Variants in GUCY2D observed in about 807,000 individuals in gnomAD.
GUCY2D encodes guanylate cyclase 2D, retinal.
A neutral mutation model predicts 101.3 loss-of-function variants in GUCY2D; 70 were observed. The observed-to-expected ratio is 0.69, with a 90% CI of 0.57 to 0.84. GUCY2D has a LOEUF of 0.84. Ranked by LOEUF, GUCY2D falls within the 40% of genes least tolerant of loss-of-function variation. The probability of loss-of-function intolerance (pLI) is 0.00; values close to 1 mark genes in which losing one functional copy is unlikely to be tolerated. For missense variants in GUCY2D, 1,460 were observed against 1,542.5 expected (o/e 0.95, Z 0.90); for synonymous variants, 688 against 670.7 (o/e 1.03, Z -0.40).
At chr17:8,009,688 C>A in intron 8 of GUCY2D, 102 bp downstream of exon 8, 1 of 811,296 alleles carries the variant, frequency 1.2e-6, no homozygotes, top group Non-Finnish European at 2.2e-6. Flanking sequence ...TTAAGTGTCC[C>A]CTCTGGCTGA....
In GUCY2D at chr17:8,011,327, C is replaced by T. The variant is rs930608660; in HGVS notation, c.1750-817C>T. The stretch of plus-strand genomic sequence containing the variant: ...TCAGGATGCGGAGGTTGCAGTGACC[C>T]GAGATTGCACGACTGCAATCCAGCC... On this transcript the variant is annotated intron_variant, in intron 8 of 19. Coordinates refer to ENST00000254854, the MANE Select transcript of GUCY2D (RefSeq NM_000180.4). The surrounding 1 kb of genome is among the most constrained non-coding windows in gnomAD (Gnocchi z 4.3). Among the ~76,000 whole-genome samples, 34 of 151,772 alleles carry T rather than the reference C, an allele frequency of 2.2e-4. No homozygotes were observed. Among genetic ancestry groups the T allele is most frequent in the African/African-American group, 5.8e-4 (24 of 41,270 alleles).
intron 8 of GUCY2D, 145 bp downstream of exon 8, chr17:8,009,731 T>A: frequency 1.4e-6 from 1 of 699,490 alleles, no homozygotes; most frequent in East Asian, 2.7e-5. Context: ...TCCTGGCACT[T>A]TGAGAGGCAG....
chr17:8,004,306 T>C, intron 3 of GUCY2D, 150 bp downstream of exon 3: 1 of 721,818 alleles, frequency 1.4e-6, no homozygotes, highest in East Asian at 2.7e-5. Context: ...CTGGCCCCAC[T>C]TGGGGTCTCT....
intron 7 of GUCY2D, 121 bp downstream of exon 7, chr17:8,008,153 A>T: frequency 2.8e-6 from 2 of 720,380 alleles, no homozygotes; most frequent in East Asian, 5.4e-5. Flanking sequence ...GCTCCAGGAG[A>T]TGGGGGATGG....
Position 8,011,477 on chromosome 17 carries a change from C to T in GUCY2D, c.1750-667C>T, listed in dbSNP as rs1269981232. ...TTAAATCAGGAGAGGATGGTGGTTC[C>T]AGGAGCTTCTCCTTCATGAGCTGCT... On this transcript the variant is annotated intron_variant, in intron 8 of 19. Transcript: ENST00000254854. The surrounding 1 kb of genome is among the most constrained non-coding windows in gnomAD (Gnocchi z 4.3). Among the ~76,000 whole-genome samples, 1 of 152,172 alleles carries T rather than the reference C, an allele frequency of 6.6e-6. No homozygotes were observed. The highest frequency in any genetic ancestry group is 6.5e-5 in the Admixed American group (1 of 15,272).
rs1975855804 is a variant in GUCY2D, at chr17:8,011,807, C to T, written c.1750-337C>T. Among the ~76,000 whole-genome samples the T allele has an allele frequency of 6.6e-6, 1 of 152,124 alleles. No individual in the cohort carries two copies. The highest frequency in any genetic ancestry group is 1.5e-5 in the Non-Finnish European group (1 of 68,028). On this transcript the variant is annotated intron_variant, in intron 8 of 19. Transcript: ENST00000254854. This position sits in a 1 kb window ranked among gnomAD's most constrained non-coding sequence, Gnocchi z 4.3. ...TCATGCCGCTGCACTCCAGTCTGGG[C>T]AACAGAGTGAGACCTCGTGTCTAAA...
rs1975674756 is a variant in GUCY2D at position 8,003,521 on chromosome 17, G to A, written c.474G>A (p.Glu158=). Residue 158 remains glutamate, a synonymous_variant, in exon 2 of 20, where the codon GAG becomes GAA. Transcript: ENST00000254854. ...GGGGCTGCCCCTGGACGCAGGCGGA[G>A]GGCACCACGGCCCCTGCCGTGACCC... ...VPWGCPWTQA[E]GTTAPAVTPA... is the part of the protein sequence containing the mutation. 6.5e-7 allele frequency: 1 copy of A among 1,538,732 alleles called. No homozygotes were observed. Among genetic ancestry groups the A allele is most frequent in the Non-Finnish European group, 8.7e-7 (1 of 1,149,452 alleles).
rs550107422 is a variant in GUCY2D at position 8,006,589 on chromosome 17, A to G, written c.1253A>G (p.Tyr418Cys). 3.1e-6 allele frequency: 5 copies of G among 1,613,660 alleles called. No individual in the cohort carries two copies. The Admixed American group carries it at 5.0e-5, about 16-fold the overall frequency. ...GCGGGAGACCGGCTTTTTGCCACAT[A>G]CATGCTGGATCCTGCCCGGGGCTCC... The part of the protein sequence containing the change: ...DAAGDRLFAT[Y>C]MLDPARGSFL... Residue 418 changes from tyrosine to cysteine, a missense_variant, in exon 4 of 20, where the codon TAC becomes TGC. Coordinates refer to ENST00000254854, the MANE Select transcript of GUCY2D (RefSeq NM_000180.4).
intron 19 of GUCY2D, among the ~76,000 whole-genome samples, chr17:8,017,173 G>A (rs1975994489): frequency 6.6e-6 from 1 of 152,212 alleles, no homozygotes; most frequent in South Asian, 2.1e-4. Context: ...ATGTGACCTT[G>A]GGAAAGTGTC....
intron 5 of GUCY2D, 73 bp from the exon 6 acceptor site, chr17:8,007,353 C>T: frequency 9.3e-7 from 1 of 1,079,304 alleles, no homozygotes; most frequent in Non-Finnish European, 1.4e-6. Flanking sequence ...CGTTATCCCT[C>T]CCCCGCATCC....
At chr17:8,006,856 C>G in intron 4 of GUCY2D, 142 bp downstream of exon 4, 1 of 885,046 alleles carries the variant, frequency 1.1e-6, no homozygotes, top group Non-Finnish European at 1.8e-6. Context: ...GCACAGGACC[C>G]CTCTCTTGCT....
At position 8,007,410 on chromosome 17, in the gene GUCY2D, C is replaced by T. The variant is rs775689438; in HGVS notation, c.1464-16C>T. 1 of 1,543,324 alleles carries T rather than the reference C, an allele frequency of 6.5e-7. No individual in the cohort carries two copies. Among genetic ancestry groups the T allele is most frequent in the Non-Finnish European group, 9.0e-7 (1 of 1,115,612 alleles). ...AACTTGGTGCCCTTGGTGGAGGTGA[C>T]CTCTTTCTCCACCAGGCACCGGCTA... On this transcript the variant is annotated splice_polypyrimidine_tract_variant and intron_variant, in intron 5 of 19. Transcript: ENST00000254854.
intron 7 of GUCY2D, 104 bp from the exon 8 acceptor site, chr17:8,009,402 T>C (rs1975805750): frequency 2.5e-6 from 2 of 812,968 alleles, no homozygotes; most frequent in African/African-American, 1.7e-5. Context: ...GGAAGATGCA[T>C]TCTGGGACAG....
chr17:8,003,134 C>G lies in GUCY2D; in HGVS notation c.87C>G (p.Leu29=), dbSNP rs920824717. ...GGTGGGCTCCGTCCCTGCCCCGCCTCCCCCGGGCCCTGCCCCGGCTCCCGC... is the reference window on the plus strand; with the variant it reads ...GGTGGGCTCCGTCCCTGCCCCGCCTGCCCCGGGCCCTGCCCCGGCTCCCGC... ...PAWWAPSLPR[L]PRALPRLPLL... is the part of the protein sequence containing the mutation. The change falls in exon 2 of 20, where the codon CTC becomes CTG. Residue 29 remains leucine, a synonymous_variant. Coordinates refer to ENST00000254854, the MANE Select transcript of GUCY2D (RefSeq NM_000180.4). 43 of 1,508,742 alleles carry G rather than the reference C, an allele frequency of 2.9e-5. No homozygotes were observed. Among genetic ancestry groups the G allele is most frequent in the Non-Finnish European group, 3.7e-5 (42 of 1,133,620 alleles). 93.5% of individuals were successfully genotyped at this position (1,508,742 alleles called of 1,614,324 possible).
Position 8,016,039 on chromosome 17 carries a change from C to T in GUCY2D, c.3138+18C>T, listed in dbSNP as rs765174065. ...AGCTGAAGGTGAGGCAGGGCCCCAA[C>T]CCCTCCCGGAGGCCCCGCCCTGTCC... is the stretch of plus-strand genomic sequence containing the variant. On this transcript the variant is annotated intron_variant, in intron 17 of 19. Transcript: ENST00000254854. 1 of 1,586,412 alleles carries T rather than the reference C, an allele frequency of 6.3e-7. No individual in the cohort carries two copies. Among genetic ancestry groups the T allele is most frequent in the East Asian group, 2.3e-5 (1 of 43,986 alleles).
Position 8,012,244 on chromosome 17 carries a change from T to C in GUCY2D, c.1850T>C (p.Val617Ala), listed in dbSNP as rs1343672479. 3 of 1,614,036 alleles carry C rather than the reference T, an allele frequency of 1.9e-6. No homozygotes were observed. Among genetic ancestry groups the C allele is most frequent in the Admixed American group, 3.3e-5 (2 of 60,020 alleles). Residue 617 changes from valine to alanine, a missense_variant, in exon 9 of 20, where the codon GTG becomes GCG. Around this residue, in one of 3 missense-constraint regions of GUCY2D, gnomAD observed 1,196 missense variants for 1,229.6 expected, o/e 0.97. Coordinates refer to ENST00000254854, the MANE Select transcript of GUCY2D (RefSeq NM_000180.4). ...GCCCTCTGGGAGGGCAACCTGGCTG[T>C]GGTCTCAGAGCACTGCACGCGGGGC... is the stretch of plus-strand genomic sequence containing the variant. ...PAALWEGNLA[V>A]VSEHCTRGSL...
At chr17:8,018,760 G>A (rs1018237985) in intron 19 of GUCY2D, among the ~76,000 whole-genome samples, 1 of 151,466 alleles carries the variant, frequency 6.6e-6, no homozygotes, top group Middle Eastern at 3.2e-3. Context: ...TTCCTGCCTG[G>A]TGCCTGTAGA....
In GUCY2D at chr17:8,015,853, G is replaced by C; in HGVS notation, c.3043+12G>C. On this transcript the variant is annotated intron_variant, in intron 16 of 19. Coordinates refer to ENST00000254854, the MANE Select transcript of GUCY2D (RefSeq NM_000180.4). ...GTCCACCGGGCTGCGTGAGTGTGAC[G>C]GGGACAAGACGGGGAGGTGGGAGGG... The C allele has an allele frequency of 3.7e-6, 6 of 1,609,406 alleles. No individual in the cohort carries two copies. The highest frequency in any genetic ancestry group is 5.1e-6 in the Non-Finnish European group (6 of 1,177,418).
rs61749673 is a variant in GUCY2D, at chr17:8,004,065, C to G, written c.935C>G (p.Thr312Arg). 1 of 1,607,410 alleles carries G rather than the reference C, an allele frequency of 6.2e-7. No homozygotes were observed. Among genetic ancestry groups the G allele is most frequent in the Non-Finnish European group, 8.5e-7 (1 of 1,179,892 alleles). ...GCCCACGATGCCGTGCTCACCCTCA[C>G]GCGCCACTGTCCCTCTGAAGGCAGC... ...RRAHDAVLTL[T>R]RHCPSEGSVL... Residue 312 changes from threonine (T) to arginine (R), a missense_variant, in exon 3 of 20, where the codon ACG (threonine) becomes AGG (arginine). Coordinates refer to ENST00000254854, the MANE Select transcript of GUCY2D (RefSeq NM_000180.4).
Sources: allele counts gnomAD v4.1 joint callset (sites outside exome capture counted in the v4.1 genomes callset), GRCh38; gene constraint gnomAD v4.1.1; regional missense constraint gnomAD v4.1.1; non-coding constraint Gnocchi (gnomAD v3.1); transcripts MANE v1.5; gene names NCBI Gene and HGNC (gene_info 2026-07-23, HGNC 2026-07-21).